DNAJC1: variants seen among roughly 807,000 people sequenced by gnomAD.
DNAJC1 encodes the protein DnaJ heat shock protein family (Hsp40) member C1, also known as dnaJ homolog subfamily C member 1.
A neutral mutation model predicts 76.6 loss-of-function variants in DNAJC1; 58 were observed. The ratio of observed to expected loss-of-function variants is 0.76; its 90% CI spans 0.61 to 0.94. The LOEUF is 0.94. Ranked by LOEUF, DNAJC1 falls within the 40% of genes least tolerant of loss-of-function variation. The pLI is 0.00. For synonymous variants in DNAJC1, 258 were observed against 267.9 expected (o/e 0.96, Z 0.36); for missense variants, 689 against 677.3 (o/e 1.02, Z -0.19).
At chr10:21,900,866 G>A (rs1235257645) in intron 7 of DNAJC1, among the ~76,000 whole-genome samples, 2 of 152,060 alleles carry the variant, frequency 1.3e-5, no homozygotes, top group African/African-American at 2.4e-5. Context: ...CCTAAACTGC[G>A]GCTGCTCTTT....
chr10:21,948,795 G>A (rs1837548186), intron 1 of DNAJC1, among the ~76,000 whole-genome samples: 1 of 152,100 alleles, frequency 6.6e-6, no homozygotes, highest in Non-Finnish European at 1.5e-5. Flanking sequence ...CTGGACATTA[G>A]GAACCCAGTT....
intron 8 of DNAJC1, among the ~76,000 whole-genome samples, chr10:21,835,910 C>T (rs1049126521): frequency 1.5e-4 from 23 of 152,316 alleles, no homozygotes; most frequent in African/African-American, 1.9e-4. Context: ...CTGCAGGATA[C>T]TGTCCAGGAG....
intron 11 of DNAJC1, 112 bp downstream of exon 11, chr10:21,759,058 C>G (rs529026648): frequency 9.5e-7 from 1 of 1,054,502 alleles, no homozygotes; most frequent in African/African-American, 1.6e-5. Flanking sequence ...GAAGAAATCA[C>G]GGGGCAGGTG....
At chr10:21,789,051 C>T (rs1471272674) in intron 9 of DNAJC1, among the ~76,000 whole-genome samples, 3 of 138,222 alleles carry the variant, frequency 2.2e-5, no homozygotes, top group African/African-American at 3.5e-5. Flanking sequence ...TCTGAGCACC[C>T]GCACCTGGAA....
chr10:21,949,807 T>A (rs949690454), intron 1 of DNAJC1, among the ~76,000 whole-genome samples: 6 of 151,992 alleles, frequency 3.9e-5, no homozygotes, highest in South Asian at 2.1e-4. Flanking sequence ...TAAGGAGGAC[T>A]GATATTTCAT....
intron 8 of DNAJC1, among the ~76,000 whole-genome samples, chr10:21,839,289 T>TC: frequency 6.6e-6 from 1 of 152,158 alleles, no homozygotes; most frequent in South Asian, 2.1e-4. Context: ...AAAAAATCCT[T>TC]TAAAAAATTA....
chr10:21,819,426 T>C (rs1835121964), intron 8 of DNAJC1, among the ~76,000 whole-genome samples: 2 of 151,872 alleles, frequency 1.3e-5, no homozygotes, highest in Non-Finnish European at 2.9e-5. Context: ...TTGGAGGACA[T>C]GCAGTAGTCT....
At chr10:21,882,498 AAC>A in intron 7 of DNAJC1, 59 bp from the exon 8 acceptor site, 2 of 1,138,800 alleles carry the variant, frequency 1.8e-6, no homozygotes, top group Non-Finnish European at 2.4e-6. Flanking sequence ...ATTAATTTCT[AAC>A]ATTTTATTCA....
At chr10:21,841,153 G>C (rs1263248797) in intron 8 of DNAJC1, among the ~76,000 whole-genome samples, 1 of 152,142 alleles carries the variant, frequency 6.6e-6, no homozygotes, top group African/African-American at 2.4e-5. Flanking sequence ...AAAAACCCTA[G>C]AAGAAAACCT....
chr10:21,890,392 G>A (rs1018860657), intron 7 of DNAJC1, among the ~76,000 whole-genome samples: 6 of 131,906 alleles, frequency 4.5e-5, no homozygotes, highest in African/African-American at 1.2e-4. Flanking sequence ...CAGCCTGGAC[G>A]AAACAGTGAG....
rs549995444 is a variant in DNAJC1, at chr10:21,837,642, C to G, written c.979-31543G>C. On this transcript the variant is annotated intron_variant, in intron 8 of 11. Coordinates refer to ENST00000376980, the MANE Select transcript of DNAJC1 (RefSeq NM_022365.4). ...AGGAGCCCCTCCGCCCGGCAGCCAC[C>G]CTGTCTAGGAAGTGAGGAGCCCCTC... 2.4e-4 allele frequency among the ~76,000 whole-genome samples: 37 copies of G among 151,800 alleles called. No individual in the cohort carries two copies. In the South Asian group the frequency reaches 7.3e-3, roughly 30 times the overall value.
intron 8 of DNAJC1, among the ~76,000 whole-genome samples, chr10:21,855,457 C>A (rs904076822): frequency 3.3e-5 from 5 of 151,656 alleles, no homozygotes; most frequent in South Asian, 2.1e-4. Context: ...TTCTAATAGG[C>A]AAAGCTCAGA....
At chr10:21,887,110 G>C (rs542087303) in intron 7 of DNAJC1, among the ~76,000 whole-genome samples, 108 of 152,150 alleles carry the variant, frequency 7.1e-4, no homozygotes, top group African/African-American at 2.0e-3. Context: ...CAAACCTAGA[G>C]TCAAATCAGA....
intron 8 of DNAJC1, among the ~76,000 whole-genome samples, chr10:21,856,426 C>G (rs1000379406): frequency 1.3e-5 from 2 of 152,072 alleles, no homozygotes; most frequent in African/African-American, 4.8e-5. Flanking sequence ...ATATTTATAT[C>G]TATTGTAGCT....
Position 21,759,294 on chromosome 10 carries a change from C to T in DNAJC1, c.1472G>A (p.Arg491Gln), listed in dbSNP as rs140041922. ...DEESLRKERA[R>Q]SAEEPWTQNQ... Reference sequence around the variant, plus strand: ...TTGAGTCCACGGCTCCTCTGCAGACCGAGCTCTCTCTTTTCTCAGGCTCTC... The same window carrying T: ...TTGAGTCCACGGCTCCTCTGCAGACTGAGCTCTCTCTTTTCTCAGGCTCTC... Residue 491 changes from arginine (R) to glutamine (Q), a missense_variant, in exon 11 of 12, where the codon CGG (arginine) becomes CAG (glutamine). Transcript: ENST00000376980. 63 of 1,614,116 alleles carry T rather than the reference C, an allele frequency of 3.9e-5. No individual in the cohort carries two copies. The highest frequency in any genetic ancestry group is 4.8e-5 in the Non-Finnish European group (57 of 1,180,054).
chr10:21,992,337 G>A (rs1380345749), intron 1 of DNAJC1, among the ~76,000 whole-genome samples: 3 of 152,080 alleles, frequency 2.0e-5, no homozygotes, highest in Non-Finnish European at 2.9e-5. Flanking sequence ...TTTTGAAAAT[G>A]TGACTCCATG....
rs77389501 is a variant in DNAJC1, at chr10:21,832,154, A to G, written c.979-26055T>C. On this transcript the variant is annotated intron_variant, in intron 8 of 11. Coordinates refer to ENST00000376980, the MANE Select transcript of DNAJC1 (RefSeq NM_022365.4). ...TGTAAATTCTCACAGTCTAGATTTC[A>G]TAACTGCTGACGTTTTGCCATATTT... Among the ~76,000 whole-genome samples, 17 of 152,352 alleles carry G rather than the reference A, an allele frequency of 1.1e-4. No individual in the cohort carries two copies. In the East Asian group the frequency reaches 3.1e-3, roughly 28 times the overall value.
At chr10:21,953,594 G>A (rs564372785) in intron 1 of DNAJC1, among the ~76,000 whole-genome samples, 7 of 151,672 alleles carry the variant, frequency 4.6e-5, no homozygotes, top group Admixed American at 1.3e-4. Flanking sequence ...TACAGGAAAT[G>A]TTTTCCCTTA....
intron 1 of DNAJC1, among the ~76,000 whole-genome samples, chr10:21,935,870 TC>T (rs1837303865): frequency 6.6e-6 from 1 of 151,902 alleles, no homozygotes; most frequent in Admixed American, 6.6e-5. Flanking sequence ...AAACTATCCC[TC>T]AAAAACAAAA....
Sources: gnomAD v4.1 joint callset for allele counts (sites outside exome capture counted in the v4.1 genomes callset) on GRCh38, gnomAD v4.1.1 for gene constraint, MANE v1.5 for transcripts, NCBI Gene and HGNC (gene_info 2026-07-23, HGNC 2026-07-21) for gene names.